Variants in TCEA1 observed in about 807,000 individuals in gnomAD.
TCEA1 encodes transcription elongation factor A1, also known as transcription elongation factor A protein 1.
TCEA1 carries 21 observed loss-of-function variants against 43.8 expected under a neutral mutation model. The ratio of observed to expected loss-of-function variants is 0.48; its 90% CI spans 0.34 to 0.69. The LOEUF is 0.69. TCEA1 is among the 30% of genes least tolerant of loss of function. The pLI, the probability that TCEA1 is intolerant of heterozygous loss-of-function variation, is 0.01. For missense variants in TCEA1, 250 were observed against 365.1 expected (o/e 0.68, Z 2.57); for synonymous variants, 104 against 117.5 (o/e 0.88, Z 0.75).
chr8:53,977,396 C>T (rs1803366804), intron 8 of TCEA1, among the ~76,000 whole-genome samples: 2 of 152,140 alleles, frequency 1.3e-5, no homozygotes, highest in Admixed American at 1.3e-4. Flanking sequence ...AGTAACCTTG[C>T]TTTACTTTCA....
In TCEA1 at chr8:53,986,990, A is replaced by G. The variant is rs2129303225; in HGVS notation, c.502T>C (p.Leu168=). Residue 168 remains leucine, a synonymous_variant, in exon 6 of 10, where the codon TTA becomes CTA. Coordinates refer to ENST00000521604, the MANE Select transcript of TCEA1 (RefSeq NM_006756.4). ...ATATCTTCTTCAATTTGAGATCCTA[A>G]TTCTTCCTCATCAGCTCCAATTGCA... ...YIAIGADEEE[L]GSQIEEAIYQ... 1 of 1,600,296 alleles carries G rather than the reference A, an allele frequency of 6.2e-7. No individual in the cohort carries two copies. The highest frequency in any genetic ancestry group is 1.7e-5 in the Admixed American group (1 of 57,738).
At chr8:53,992,856 A>G (rs904137008) in intron 4 of TCEA1, among the ~76,000 whole-genome samples, 11 of 152,168 alleles carry the variant, frequency 7.2e-5, no homozygotes, top group African/African-American at 2.4e-4. Flanking sequence ...TTCGTGAGAT[A>G]TAATAGGAAA....
intron 4 of TCEA1, among the ~76,000 whole-genome samples, chr8:53,992,989 A>T (rs553017638): frequency 6.8e-6 from 1 of 147,722 alleles, no homozygotes; most frequent in African/African-American, 2.6e-5. Context: ...GTCTCACTCC[A>T]TTGCTCAGGC....
intron 3 of TCEA1, among the ~76,000 whole-genome samples, chr8:53,996,561 C>G (rs1804057435): frequency 6.6e-6 from 1 of 152,142 alleles, no homozygotes; most frequent in African/African-American, 2.4e-5. Flanking sequence ...AAAGAAAAAG[C>G]TTTAGGCAGA....
intron 1 of TCEA1, among the ~76,000 whole-genome samples, chr8:54,011,119 C>A (rs1466367130): frequency 2.0e-5 from 3 of 152,192 alleles, no homozygotes; most frequent in Admixed American, 2.0e-4. Context: ...CTTCTTTCTA[C>A]TTTTGCTTAT....
At chr8:54,005,037 TCTCA>T (rs1804397142) in intron 2 of TCEA1, among the ~76,000 whole-genome samples, 1 of 152,080 alleles carries the variant, frequency 6.6e-6, no homozygotes, top group African/African-American at 2.4e-5. Flanking sequence ...CCTTCTACTC[TCTCA>T]CTCTGCTCAG....
At chr8:54,007,840 G>C (rs1239312429) in intron 2 of TCEA1, among the ~76,000 whole-genome samples, 1 of 152,058 alleles carries the variant, frequency 6.6e-6, no homozygotes, top group Non-Finnish European at 1.5e-5. Context: ...GCTATATTAA[G>C]TTTCCTTTTT....
intron 2 of TCEA1, among the ~76,000 whole-genome samples, chr8:54,007,386 G>A (rs1179315815): frequency 6.6e-6 from 1 of 151,830 alleles, no homozygotes; most frequent in Non-Finnish European, 1.5e-5. Context: ...TTGCTATGTT[G>A]CCCAGGCTGG....
At chr8:53,969,120 T>C (rs1803076940) in intron 9 of TCEA1, among the ~76,000 whole-genome samples, 1 of 152,080 alleles carries the variant, frequency 6.6e-6, no homozygotes, top group Non-Finnish European at 1.5e-5. Flanking sequence ...TGAAACGCCA[T>C]CTCTACTAAA....
chr8:54,007,520 C>T (rs935223249), intron 2 of TCEA1, among the ~76,000 whole-genome samples: 6 of 152,110 alleles, frequency 3.9e-5, no homozygotes, highest in Admixed American at 3.9e-4. Flanking sequence ...TAAGGTAGAA[C>T]AGCAACAATA....
At chr8:54,000,532 G>A (rs1449265839) in intron 2 of TCEA1, among the ~76,000 whole-genome samples, 1 of 152,090 alleles carries the variant, frequency 6.6e-6, no homozygotes, top group Admixed American at 6.6e-5. Flanking sequence ...ATTTTGCCAG[G>A]AACCAGCATA....
chr8:53,986,587 A>G (rs1803695244), intron 6 of TCEA1, among the ~76,000 whole-genome samples: 1 of 152,186 alleles, frequency 6.6e-6, no homozygotes, highest in Non-Finnish European at 1.5e-5. Flanking sequence ...GTTCTCAATC[A>G]TATTTTCACT....
intron 1 of TCEA1, among the ~76,000 whole-genome samples, chr8:54,012,640 T>G (rs1463952909): frequency 2.6e-5 from 4 of 152,214 alleles, no homozygotes; most frequent in African/African-American, 4.8e-5. Context: ...GGGTATTATG[T>G]AATATATGAT....
At chr8:53,974,629 G>A (rs1803271375) in intron 8 of TCEA1, among the ~76,000 whole-genome samples, 1 of 152,014 alleles carries the variant, frequency 6.6e-6, no homozygotes, top group African/African-American at 2.4e-5. Flanking sequence ...CTGGGTTCAA[G>A]CAATTCTCCT....
intron 4 of TCEA1, among the ~76,000 whole-genome samples, chr8:53,988,753 T>G (rs138792631): frequency 1.2e-4 from 18 of 151,922 alleles, no homozygotes; most frequent in Admixed American, 4.6e-4. Context: ...AAACTAGAGA[T>G]AGAGAGAGAG....
intron 9 of TCEA1, 196 bp downstream of exon 9, chr8:53,970,196 G>A (rs773948285): frequency 4.6e-5 from 28 of 605,648 alleles, no homozygotes; most frequent in Non-Finnish European, 7.4e-5. Flanking sequence ...AGGTGGTAAA[G>A]TCAAGTTAAT....
At chr8:53,984,538 A>G (rs1338543847) in intron 6 of TCEA1, 21 bp from the exon 7 acceptor site, 5 of 1,532,114 alleles carry the variant, frequency 3.3e-6, no homozygotes, top group African/African-American at 1.4e-5. Flanking sequence ...GTTAAGGAAA[A>G]AAGGCAAAAT....
At chr8:53,976,608 T>G (rs1371101500) in intron 8 of TCEA1, among the ~76,000 whole-genome samples, 2 of 152,258 alleles carry the variant, frequency 1.3e-5, no homozygotes, top group Non-Finnish European at 2.9e-5. Flanking sequence ...TTGGTATTTA[T>G]GTTTTTTGTC....
chr8:53,987,216 C>A (rs1358513896), intron 5 of TCEA1, among the ~76,000 whole-genome samples, 191 bp from the exon 6 acceptor site: 1 of 152,232 alleles, frequency 6.6e-6, no homozygotes, highest in African/African-American at 2.4e-5. Context: ...TCACCTGATA[C>A]CCACAGTGCT....
Sources: allele counts gnomAD v4.1 joint callset (sites outside exome capture counted in the v4.1 genomes callset), GRCh38; gene constraint gnomAD v4.1.1; transcripts MANE v1.5; gene names NCBI Gene and HGNC (gene_info 2026-07-23, HGNC 2026-07-21).